HOMER1: variants seen among roughly 807,000 people sequenced by gnomAD.
HOMER1 encodes homer scaffold protein 1.
HOMER1 carries 3 observed loss-of-function variants against 48.9 expected under a neutral mutation model. The ratio of observed to expected loss-of-function variants is 0.06; its 90% CI spans 0.03 to 0.16. The LOEUF (loss-of-function observed/expected upper bound fraction) is 0.16. Ranked by LOEUF, HOMER1 falls within the 10% of genes least tolerant of loss-of-function variation. HOMER1 has a pLI of 1.00. For synonymous variants in HOMER1, 134 were observed against 146.4 expected (o/e 0.92, Z 0.61); for missense variants, 247 against 411.4 (o/e 0.60, Z 3.46).
intron 5 of HOMER1, among the ~76,000 whole-genome samples, chr5:79,403,905 A>G (rs1749594540): frequency 6.6e-6 from 1 of 152,234 alleles, no homozygotes; most frequent in Non-Finnish European, 1.5e-5. Flanking sequence ...ATCAAGCAAC[A>G]AGCTAAGCTA....
intron 1 of HOMER1, among the ~76,000 whole-genome samples, chr5:79,485,734 G>C (rs1344770524): frequency 6.6e-6 from 1 of 152,120 alleles, no homozygotes; most frequent in Non-Finnish European, 1.5e-5. Flanking sequence ...AATTGAAGTT[G>C]GTTAGTTTGC....
intron 5 of HOMER1, among the ~76,000 whole-genome samples, chr5:79,437,771 G>C (rs917932537): frequency 2.6e-5 from 4 of 152,086 alleles, no homozygotes; most frequent in Non-Finnish European, 5.9e-5. Flanking sequence ...TCCTTCCTCA[G>C]CCTCCCAAGT....
At position 79,513,990 on chromosome 5, in the gene HOMER1, G is replaced by A. The variant is rs1461334164; in HGVS notation, c.-1216C>T. ...CACACTTCCATCAGCGCCCGCCTCCGGCTACCGCCGGGCAGAGCAGCGCCA... is the reference window on the plus strand; with the variant it reads ...CACACTTCCATCAGCGCCCGCCTCCAGCTACCGCCGGGCAGAGCAGCGCCA... On this transcript the variant is annotated 5_prime_UTR_variant, in exon 1 of 9. Transcript: ENST00000334082. 6.5e-6 allele frequency: 1 copy of A among 153,510 alleles called. No homozygotes were observed. The highest frequency in any genetic ancestry group is 1.9e-4 in the East Asian group (1 of 5,204). 9.5% of individuals were successfully genotyped at this position (153,510 alleles called of 1,614,324 possible).
At chr5:79,392,685 C>G in intron 8 of HOMER1, among the ~76,000 whole-genome samples, 1 of 152,114 alleles carries the variant, frequency 6.6e-6, no homozygotes, top group East Asian at 1.9e-4. Context: ...AAGTCTACAG[C>G]AGTGTATGGT....
chr5:79,510,764 T>C (rs868684070), intron 1 of HOMER1: 14 of 760,682 alleles, frequency 1.8e-5, no homozygotes, highest in East Asian at 4.9e-5. Context: ...CGTGCCCGCA[T>C]TGCCAAGGGG....
intron 1 of HOMER1, among the ~76,000 whole-genome samples, chr5:79,467,280 A>G (rs896423206): frequency 9.3e-5 from 14 of 150,782 alleles, no homozygotes; most frequent in Non-Finnish European, 1.6e-4. Context: ...AATCCCAGCT[A>G]CTCAGGAGGC....
intron 1 of HOMER1, among the ~76,000 whole-genome samples, chr5:79,486,782 G>T (rs892769758): frequency 6.6e-6 from 1 of 152,188 alleles, no homozygotes; most frequent in African/African-American, 2.4e-5. Context: ...GATTCCTATA[G>T]ACTATGGTAG....
chr5:79,389,814 T>C (rs538700113), intron 8 of HOMER1, among the ~76,000 whole-genome samples: 1 of 152,228 alleles, frequency 6.6e-6, no homozygotes, highest in East Asian at 1.9e-4. Flanking sequence ...TTTAATATAT[T>C]TAATGTATAA....
chr5:79,423,080 G>T (rs914818418), intron 5 of HOMER1, among the ~76,000 whole-genome samples: 1 of 152,076 alleles, frequency 6.6e-6, no homozygotes, highest in African/African-American at 2.4e-5. Context: ...ACTACTTGAA[G>T]CACTAAATGT....
intron 5 of HOMER1, among the ~76,000 whole-genome samples, chr5:79,420,840 GAC>G: frequency 6.6e-6 from 1 of 152,176 alleles, no homozygotes; most frequent in Non-Finnish European, 1.5e-5. Flanking sequence ...CTGGCACAAA[GAC>G]ATGCTCCATA....
intron 8 of HOMER1, among the ~76,000 whole-genome samples, chr5:79,396,293 T>TAA (rs141457964): frequency 1.4e-5 from 2 of 147,932 alleles, no homozygotes; most frequent in Admixed American, 6.6e-5. Context: ...TAGTACATTG[T>TAA]AAAATAATAA....
chr5:79,460,114 C>T (rs1390692880), intron 1 of HOMER1, among the ~76,000 whole-genome samples: 5 of 152,116 alleles, frequency 3.3e-5, no homozygotes, highest in Admixed American at 6.5e-5. Context: ...CTCAGCTTCC[C>T]GAGTTGCTAG....
intron 4 of HOMER1, among the ~76,000 whole-genome samples, chr5:79,439,870 T>A (rs1007244142): frequency 2.0e-5 from 3 of 152,142 alleles, no homozygotes; most frequent in Admixed American, 1.3e-4. Flanking sequence ...TTAAATAAAT[T>A]GAATTTAAAA....
intron 3 of HOMER1, among the ~76,000 whole-genome samples, chr5:79,450,698 C>A (rs1005182172): frequency 6.6e-6 from 1 of 152,164 alleles, no homozygotes; most frequent in Non-Finnish European, 1.5e-5. Flanking sequence ...GGGTACTAAT[C>A]TCTGACAAAA....
At chr5:79,500,927 TTG>T (rs367742665) in intron 1 of HOMER1, among the ~76,000 whole-genome samples, 2,209 of 124,180 alleles carry the variant, frequency 0.018, 27 homozygotes, top group Non-Finnish European at 0.024. Flanking sequence ...ACCCAGCCAT[TTG>T]TGTGTGTGTG....
At chr5:79,485,564 CA>C (rs1239668799) in intron 1 of HOMER1, among the ~76,000 whole-genome samples, 5 of 152,306 alleles carry the variant, frequency 3.3e-5, no homozygotes, top group African/African-American at 1.2e-4. Flanking sequence ...AGTAACAACA[CA>C]TTTTAACATT....
At chr5:79,510,915 C>T (rs1752925056) in intron 1 of HOMER1, 5 of 636,112 alleles carry the variant, frequency 7.9e-6, no homozygotes, top group Non-Finnish European at 1.4e-5. Context: ...TATCTGCCAA[C>T]GTGAGGACAG....
intron 3 of HOMER1, 93 bp from the exon 4 acceptor site, chr5:79,447,238 T>C (rs1012066973): frequency 4.0e-6 from 3 of 749,346 alleles, no homozygotes; most frequent in Non-Finnish European, 6.9e-6. Flanking sequence ...TCTGAATAAC[T>C]GACTCTACAC....
chr5:79,496,895 T>A (rs1443723855), intron 1 of HOMER1, among the ~76,000 whole-genome samples: 1 of 151,046 alleles, frequency 6.6e-6, no homozygotes. Flanking sequence ...TGAAACCCCA[T>A]CTCTACTAAA....
Sources: gnomAD v4.1 joint callset for allele counts (sites outside exome capture counted in the v4.1 genomes callset) on GRCh38, gnomAD v4.1.1 for gene constraint, MANE v1.5 for transcripts, NCBI Gene and HGNC (gene_info 2026-07-23, HGNC 2026-07-21) for gene names.